The following BPHL variants were observed in gnomAD, a reference collection of about 807,000 sequenced individuals.
BPHL encodes the protein serine hydrolase BPHL.
A neutral mutation model predicts 31.2 loss-of-function variants in BPHL; 27 were observed. The ratio of observed to expected loss-of-function variants is 0.87; its 90% confidence interval spans 0.64 to 1.19. BPHL has a LOEUF of 1.19. Among genes scored for constraint, BPHL ranks in the 50% most tolerant of loss-of-function variants. The pLI, the probability that BPHL is intolerant of heterozygous loss-of-function variation, is 0.00. For synonymous variants in BPHL, 150 were observed against 146.8 expected, an observed-to-expected ratio of 1.02 and a Z score of -0.16; for missense variants, 356 against 375.7, an observed-to-expected ratio of 0.95 and a Z score of 0.43.
intron 6 of BPHL, among the ~76,000 whole-genome samples, chr6:3,141,483 T>G (rs1207450803): frequency 1.3e-5 from 2 of 152,066 alleles, no homozygotes; most frequent in African/African-American, 4.8e-5. Flanking sequence ...TTCTCCCACC[T>G]CAGTCTCCCA....
In BPHL at chr6:3,135,261, C is replaced by T. The variant is rs75691772; in HGVS notation, c.533-2101C>T. Among the ~76,000 whole-genome samples, 407 of 152,306 alleles carry T rather than the reference C, an allele frequency of 2.7e-3. 1 individual carries two copies. Among genetic ancestry groups the T allele is most frequent in the African/African-American group, 9.3e-3 (386 of 41,558 alleles). On this transcript the variant is annotated intron_variant, in intron 4 of 6. Coordinates refer to ENST00000380379, the MANE Select transcript of BPHL (RefSeq NM_004332.4). ...CAACAAGTGTCTTTTCTTTCATCCA[C>T]CTTTTCTGTAAGTCTGTTTAGCTGA...
Position 3,137,960 on chromosome 6 carries a change from T to A in BPHL, c.664+467T>A, listed in dbSNP as rs1534998. On this transcript the variant is annotated intron_variant, in intron 5 of 6. Transcript: ENST00000380379. ...AATTAATATGAGGAAGAAAATATTC[T>A]GTTTTTTCCATCTTCAGAACTAAGT... The A allele has an allele frequency of 1.0e-5, 13 of 1,262,790 alleles. No homozygotes were observed. In the East Asian group the frequency reaches 4.5e-4, roughly 43 times the overall value. The allele number at this position is 1,262,790 out of a possible 1,614,324, so 78.2% of individuals were successfully genotyped here.
chr6:3,135,845 G>A (rs187100076), intron 4 of BPHL, among the ~76,000 whole-genome samples: 39 of 152,294 alleles, frequency 2.6e-4, no homozygotes, highest in African/African-American at 8.4e-4. Context: ...AATCGAGAGC[G>A]CTTTCCTTCC....
At position 3,149,118 on chromosome 6, in the gene BPHL, C is replaced by T. The variant is rs772581743; in HGVS notation, c.789-3370C>T. 5.9e-5 allele frequency among the ~76,000 whole-genome samples: 9 copies of T among 152,122 alleles called. No homozygotes were observed. The highest frequency in any genetic ancestry group is 4.1e-4 in the South Asian group (2 of 4,830). ...CTATGGGGTAGATTCTATTACTGTC[C>T]GCATTTTCCAGATGAGGAATTGTGA... is the stretch of plus-strand genomic sequence containing the variant. On this transcript the variant is annotated intron_variant, in intron 6 of 6. Coordinates refer to ENST00000380379, the MANE Select transcript of BPHL (RefSeq NM_004332.4). This position sits in a 1 kb window ranked among gnomAD's most constrained non-coding sequence, Gnocchi z 4.6.
chr6:3,142,608 T>C (rs1561797940), intron 6 of BPHL, among the ~76,000 whole-genome samples: 1 of 152,214 alleles, frequency 6.6e-6, no homozygotes, highest in Non-Finnish European at 1.5e-5. Context: ...CTGAGAGATG[T>C]TAAGCAATCT....
At chr6:3,148,810 A>C (rs961080906) in intron 6 of BPHL, among the ~76,000 whole-genome samples, 6 of 152,244 alleles carry the variant, frequency 3.9e-5, no homozygotes, top group Admixed American at 3.9e-4. Flanking sequence ...ACCTTTCCAG[A>C]CAAATCTTAC....
At chr6:3,133,446 C>T (rs75866502) in intron 4 of BPHL, among the ~76,000 whole-genome samples, 2 of 152,182 alleles carry the variant, frequency 1.3e-5, no homozygotes, top group African/African-American at 4.8e-5. Context: ...TTAAGCCTTC[C>T]AGGACTCCCC....
intron 4 of BPHL, among the ~76,000 whole-genome samples, chr6:3,136,578 C>T (rs1480058658): frequency 5.9e-5 from 9 of 152,320 alleles, no homozygotes; most frequent in Admixed American, 3.9e-4. Flanking sequence ...AGGTGCCTGA[C>T]GTTGTCCGGG....
In BPHL at chr6:3,129,184, G is replaced by C. The variant is rs1761799156; in HGVS notation, c.518G>C (p.Ser173Thr). The change falls in exon 4 of 7, where the codon AGC becomes ACC. Residue 173 changes from serine to threonine, a missense_variant. Physicochemically the swap from Ser to Thr is moderately conservative, Grantham distance 58. Transcript: ENST00000380379. ...AACGCCTACGTCACTGACGAAGACA[G>C]CATGATATATGAGGGTAGGTTCTGC... The part of the protein sequence containing the change: ...GANAYVTDED[S>T]MIYEGIRDVS... 1.3e-6 allele frequency: 2 copies of C among 1,593,442 alleles called. No homozygotes were observed. The highest frequency in any genetic ancestry group is 2.3e-5 in the South Asian group (2 of 87,824).
Position 3,140,285 on chromosome 6 carries a change from A to C in BPHL, c.665-101A>C. 6.8e-7 allele frequency: 1 copy of C among 1,464,450 alleles called. No homozygotes were observed. Among genetic ancestry groups the C allele is most frequent in the African/African-American group, 1.4e-5 (1 of 71,092 alleles). 90.7% of individuals were successfully genotyped at this position (1,464,450 alleles called of 1,614,324 possible). On this transcript the variant is annotated intron_variant, in intron 5 of 6. Coordinates refer to ENST00000380379, the MANE Select transcript of BPHL (RefSeq NM_004332.4). This position sits in a 1 kb window ranked among gnomAD's most constrained non-coding sequence, Gnocchi z 5.2. ...AAAACACAGTTTTTACGGATAGGGA[A>C]ACTGAGGGCCAAGGAGGGGCAGGGC...
chr6:3,141,425 T>A (rs1221959583), intron 6 of BPHL, among the ~76,000 whole-genome samples: 4 of 152,204 alleles, frequency 2.6e-5, no homozygotes, highest in African/African-American at 9.6e-5. Context: ...TGGAGTGCAG[T>A]GGCACGATCT....
At chr6:3,134,646 C>A (rs1323493455) in intron 4 of BPHL, among the ~76,000 whole-genome samples, 1 of 148,096 alleles carries the variant, frequency 6.8e-6, no homozygotes, top group Non-Finnish European at 1.5e-5. Context: ...CGCTCTGTCA[C>A]CCAGGCTGCG....
chr6:3,149,231 C>T lies in BPHL; in HGVS notation c.789-3257C>T, dbSNP rs62391677. Among the ~76,000 whole-genome samples, 1,969 of 152,256 alleles carry T rather than the reference C, an allele frequency of 0.013. 23 individuals carry two copies. Among genetic ancestry groups the T allele is most frequent in the Non-Finnish European group, 0.021 (1,424 of 68,028 alleles). ...GCCCCGTAAAGCCAGTGTTTTCCTCCCACGATGATGCCTCCAGTTTACATC... is the reference window on the plus strand; with the variant it reads ...GCCCCGTAAAGCCAGTGTTTTCCTCTCACGATGATGCCTCCAGTTTACATC... On this transcript the variant is annotated intron_variant, in intron 6 of 6. Coordinates refer to ENST00000380379, the MANE Select transcript of BPHL (RefSeq NM_004332.4). This position sits in a 1 kb window ranked among gnomAD's most constrained non-coding sequence, Gnocchi z 4.6.
intron 3 of BPHL, among the ~76,000 whole-genome samples, chr6:3,128,247 A>G (rs1002177761): frequency 6.6e-6 from 1 of 152,162 alleles, no homozygotes; most frequent in Non-Finnish European, 1.5e-5. Flanking sequence ...CACTATAAAC[A>G]GTATTGTTGT....
Position 3,140,064 on chromosome 6 carries a change from C to T in BPHL, c.665-322C>T, listed in dbSNP as rs564913973. ...TGTCAAGCACCTACCACTGTTTTCA[C>T]GGTGGGAACCGCCACTGTGGAATAT... On this transcript the variant is annotated intron_variant, in intron 5 of 6. Coordinates refer to ENST00000380379, the MANE Select transcript of BPHL (RefSeq NM_004332.4). The surrounding 1 kb of genome is among the most constrained non-coding windows in gnomAD (Gnocchi z 5.2). The T allele has an allele frequency of 2.7e-4, 81 of 302,566 alleles. 1 individual carries two copies. The Middle Eastern group carries it at 4.1e-3, about 15-fold the overall frequency. 18.7% of individuals were successfully genotyped at this position (302,566 alleles called of 1,614,324 possible). A position where few individuals can be genotyped will look rare whatever the true frequency, so the allele number is the denominator to read the frequency against.
At chr6:3,143,302 G>A (rs1427665151) in intron 6 of BPHL, among the ~76,000 whole-genome samples, 1 of 152,198 alleles carries the variant, frequency 6.6e-6, no homozygotes, top group Non-Finnish European at 1.5e-5. Flanking sequence ...CAGATTATGT[G>A]TGAAGCAAAC....
At chr6:3,135,590 C>T (rs1247289375) in intron 4 of BPHL, among the ~76,000 whole-genome samples, 2 of 152,080 alleles carry the variant, frequency 1.3e-5, no homozygotes, top group Admixed American at 6.5e-5. Flanking sequence ...ATAGGCATCT[C>T]GTTCATTCTT....
chr6:3,141,557 C>T (rs1194678393), intron 6 of BPHL, among the ~76,000 whole-genome samples: 2 of 152,090 alleles, frequency 1.3e-5, no homozygotes, highest in East Asian at 1.9e-4. Flanking sequence ...TCAGTAGAGA[C>T]GGGTTTCACA....
At chr6:3,132,108 C>G (rs1037174608) in intron 4 of BPHL, among the ~76,000 whole-genome samples, 1 of 152,166 alleles carries the variant, frequency 6.6e-6, no homozygotes, top group Non-Finnish European at 1.5e-5. Flanking sequence ...CTCGCTACTT[C>G]CCCTCCTGGC....
Sources: allele counts gnomAD v4.1 joint callset (sites outside exome capture counted in the v4.1 genomes callset), GRCh38; gene constraint gnomAD v4.1.1; non-coding constraint Gnocchi (gnomAD v3.1); transcripts MANE v1.5; gene names NCBI Gene and HGNC (gene_info 2026-07-23, HGNC 2026-07-21).